Variants in ZNF212 observed in about 807,000 individuals in gnomAD.
ZNF212 encodes zinc finger protein 212.
ZNF212 carries 32 observed loss-of-function variants against 47.3 expected under a neutral mutation model. The observed-to-expected ratio is 0.68, with a 90% CI of 0.51 to 0.91. The LOEUF (loss-of-function observed/expected upper bound fraction) is 0.91. Ranked by LOEUF, ZNF212 falls within the 40% of genes least tolerant of loss-of-function variation. The probability of loss-of-function intolerance (pLI) is 0.00; values close to 1 mark genes in which losing one functional copy is unlikely to be tolerated. For synonymous variants in ZNF212, 242 were observed against 253.8 expected, an observed-to-expected ratio of 0.95 and a Z score of 0.44; for missense variants, 555 against 622.8, an observed-to-expected ratio of 0.89 and a Z score of 1.16.
chr7:149,242,208 A>T (rs1186131968), intron 1 of ZNF212, among the ~76,000 whole-genome samples: 1 of 151,120 alleles, frequency 6.6e-6, no homozygotes, highest in Non-Finnish European at 1.5e-5. Flanking sequence ...TTTAGTAGAG[A>T]TGGGGTTTCA....
intron 4 of ZNF212, among the ~76,000 whole-genome samples, chr7:149,253,049 C>T (rs1028497976): frequency 4.6e-5 from 7 of 152,038 alleles, no homozygotes; most frequent in African/African-American, 9.7e-5. Flanking sequence ...CCGTACGAGG[C>T]GGTAGTCAAA....
chr7:149,249,320 C>T (rs764701159), intron 1 of ZNF212, among the ~76,000 whole-genome samples: 13 of 152,100 alleles, frequency 8.5e-5, no homozygotes, highest in African/African-American at 2.9e-4. Context: ...GTAGGTCCTG[C>T]TAAGGAATTT....
intron 1 of ZNF212, among the ~76,000 whole-genome samples, chr7:149,247,111 CCTT>C (rs1451458097): frequency 1.3e-5 from 2 of 151,172 alleles, no homozygotes; most frequent in East Asian, 1.9e-4. Context: ...CATGCCCGGC[CCTT>C]CTTTTTTTTT....
At chr7:149,252,660 A>C (rs1796775497) in intron 3 of ZNF212, 46 bp from the exon 4 acceptor site, 2 of 1,587,430 alleles carry the variant, frequency 1.3e-6, no homozygotes, top group Non-Finnish European at 1.7e-6. Context: ...GTGTGCAGTG[A>C]GCTTTCACTC....
In ZNF212 at chr7:149,253,760, T is replaced by A. The variant is rs773493015; in HGVS notation, c.833T>A (p.Val278Asp). 1.2e-6 allele frequency: 2 copies of A among 1,613,762 alleles called. No individual in the cohort carries two copies. The highest frequency in any genetic ancestry group is 2.2e-5 in the East Asian group (1 of 44,876). Residue 278 changes from valine (V) to aspartate (D), a missense_variant, in exon 5 of 5, where the codon GTT (valine) becomes GAT (aspartate). Val to Asp is a radical substitution (Grantham distance 152). Coordinates refer to ENST00000335870, the MANE Select transcript of ZNF212 (RefSeq NM_012256.4). ...STLEEPVGSR[V>D]PSSSRTVGCP... is the part of the protein sequence containing the mutation. ...CTAGAGGAGCCTGTTGGTAGTAGAG[T>A]TCCTAGCAGCAGCAGAACTGTGGGC... is the stretch of plus-strand genomic sequence containing the variant.
chr7:149,248,715 C>G (rs1243323701), intron 1 of ZNF212, among the ~76,000 whole-genome samples: 2 of 152,204 alleles, frequency 1.3e-5, no homozygotes, highest in Non-Finnish European at 2.9e-5. Context: ...TGATGGCATG[C>G]ATATATCCAG....
At chr7:149,240,333 A>G (rs1350222637) in intron 1 of ZNF212, among the ~76,000 whole-genome samples, 1 of 151,954 alleles carries the variant, frequency 6.6e-6, no homozygotes, top group Non-Finnish European at 1.5e-5. Flanking sequence ...TGTTATCTAC[A>G]GTGCAGTTGC....
intron 1 of ZNF212, among the ~76,000 whole-genome samples, chr7:149,244,523 C>A (rs1419067173): frequency 6.6e-6 from 1 of 151,962 alleles, no homozygotes; most frequent in South Asian, 2.1e-4. Flanking sequence ...CCATGTTAGC[C>A]AGGATGGTCG....
intron 1 of ZNF212, among the ~76,000 whole-genome samples, chr7:149,244,583 A>G (rs775430583): frequency 6.6e-6 from 1 of 152,162 alleles, no homozygotes; most frequent in Non-Finnish European, 1.5e-5. Context: ...AAAGGGCTGG[A>G]ATTATGGGCG....
At chr7:149,247,452 T>C (rs911061697) in intron 1 of ZNF212, among the ~76,000 whole-genome samples, 1 of 152,192 alleles carries the variant, frequency 6.6e-6, no homozygotes, top group Non-Finnish European at 1.5e-5. Flanking sequence ...ATGTCAGTGA[T>C]TTTGGTTCCT....
Position 149,254,249 on chromosome 7 carries a change from A to C in ZNF212, c.1322A>C (p.Asp441Ala), listed in dbSNP as rs200136329. The C allele has an allele frequency of 5.1e-5, 82 of 1,614,122 alleles. No homozygotes were observed. Among genetic ancestry groups the C allele is most frequent in the Non-Finnish European group, 6.7e-5 (79 of 1,180,052 alleles). The change falls in exon 5 of 5, where the codon GAC becomes GCC. Residue 441 changes from aspartate to alanine, a missense_variant. By Grantham distance (126) the Asp-to-Ala change is moderately radical. Transcript: ENST00000335870. This position sits in a 1 kb window ranked among gnomAD's most constrained non-coding sequence, Gnocchi z 4.5. ...GGCAAGAGCTTCAGTCACCCATCTG[A>C]CTTGGTGCGGCACCAGCGCATCCAC... Reference protein sequence around the residue: ...YCGKSFSHPSDLVRHQRIHTG... With the variant: ...YCGKSFSHPSALVRHQRIHTG...
intron 1 of ZNF212, among the ~76,000 whole-genome samples, chr7:149,241,683 C>T (rs1470827178): frequency 6.6e-6 from 1 of 152,224 alleles, no homozygotes; most frequent in East Asian, 1.9e-4. Flanking sequence ...AAAACTTAAG[C>T]GAAAGAGGAA....
In ZNF212 at chr7:149,254,641, C is replaced by T; in HGVS notation, c.*226C>T. On this transcript the variant is annotated 3_prime_UTR_variant, in exon 5 of 5. Coordinates refer to ENST00000335870, the MANE Select transcript of ZNF212 (RefSeq NM_012256.4). This position sits in a 1 kb window ranked among gnomAD's most constrained non-coding sequence, Gnocchi z 4.5. ...CAAGTTTGCTGTTTCTTGGCACCTT[C>T]AGGTCTCTGGTTTTCTCATTCATGC... The T allele has an allele frequency of 3.3e-6, 2 of 609,446 alleles. No individual in the cohort carries two copies. Among genetic ancestry groups the T allele is most frequent in the Non-Finnish European group, 5.3e-6 (2 of 378,566 alleles). The allele number at this position is 609,446 out of a possible 1,614,324, so 37.8% of individuals were successfully genotyped here.
intron 3 of ZNF212, among the ~76,000 whole-genome samples, chr7:149,251,491 C>CTTTTTTTTTTTTTTT (rs71194634): frequency 1.3e-5 from 1 of 77,434 alleles, no homozygotes; most frequent in African/African-American, 5.2e-5. Context: ...CCTGTTTTAT[C>CTTTTTTTTTTTTTTT]TTTTTTTTTT....
chr7:149,242,021 C>CTT (rs34883587), intron 1 of ZNF212, among the ~76,000 whole-genome samples: 40 of 121,324 alleles, frequency 3.3e-4, no homozygotes, highest in Non-Finnish European at 4.7e-4. Flanking sequence ...CTTTTCTTTT[C>CTT]TTTTTTTTTT....
At position 149,254,514 on chromosome 7, in the gene ZNF212, T is replaced by C. The variant is rs566094121; in HGVS notation, c.*99T>C. ...GGACTGAGTTCTTCCTGAGGGCAGT[T>C]GTTTGTGATTGCCTTCCCTTGTCCC... On this transcript the variant is annotated 3_prime_UTR_variant, in exon 5 of 5. Coordinates refer to ENST00000335870, the MANE Select transcript of ZNF212 (RefSeq NM_012256.4). This position sits in a 1 kb window ranked among gnomAD's most constrained non-coding sequence, Gnocchi z 4.5. The C allele has an allele frequency of 9.0e-6, 13 of 1,443,524 alleles. No homozygotes were observed. The highest frequency in any genetic ancestry group is 2.5e-4 in the Middle Eastern group (1 of 4,054). 89.4% of individuals were successfully genotyped at this position (1,443,524 alleles called of 1,614,324 possible). A position where few individuals can be genotyped will look rare whatever the true frequency, so the allele number is the denominator to read the frequency against.
intron 3 of ZNF212, chr7:149,251,425 T>C (rs1403135378): frequency 6.5e-6 from 1 of 152,874 alleles, no homozygotes; most frequent in Non-Finnish European, 1.5e-5. Context: ...CCTCGTGATC[T>C]GCCCACCTCA....
At chr7:149,244,683 AAG>A (rs954625583) in intron 1 of ZNF212, among the ~76,000 whole-genome samples, 1 of 152,226 alleles carries the variant, frequency 6.6e-6, no homozygotes, top group Non-Finnish European at 1.5e-5. Context: ...ATGAAAACAA[AAG>A]AGAGGAGGCA....
intron 1 of ZNF212, among the ~76,000 whole-genome samples, chr7:149,240,373 C>G (rs939871073): frequency 1.3e-5 from 2 of 149,306 alleles, no homozygotes; most frequent in Non-Finnish European, 3.0e-5. Context: ...TGCCCAAACT[C>G]TCTCCTTCAC....
Sources: allele counts gnomAD v4.1 joint callset (sites outside exome capture counted in the v4.1 genomes callset), GRCh38; gene constraint gnomAD v4.1.1; non-coding constraint Gnocchi (gnomAD v3.1); transcripts MANE v1.5; gene names NCBI Gene and HGNC (gene_info 2026-07-23, HGNC 2026-07-21).